The following RPL6 variants were observed in gnomAD, a reference collection of about 807,000 sequenced individuals.
The protein encoded by RPL6 is large ribosomal subunit protein eL6.
A neutral mutation model predicts 32.1 loss-of-function variants in RPL6; 1 was observed. The observed-to-expected ratio is 0.03, with a 90% CI of 0.01 to 0.15. The LOEUF (loss-of-function observed/expected upper bound fraction) is 0.15, where lower values mean the gene tolerates loss of function less well. RPL6 is among the 10% of genes least tolerant of loss of function. The pLI is 1.00. For synonymous variants in RPL6, 126 were observed against 131.6 expected, an observed-to-expected ratio of 0.96 and a Z score of 0.29; for missense variants, 275 against 354.6, an observed-to-expected ratio of 0.78 and a Z score of 1.80.
chr12:112,405,326 T>C lies in RPL6; in HGVS notation c.765A>G (p.Ser255=). Residue 255 remains serine, a synonymous_variant, in exon 7 of 7, where the codon TCA becomes TCG. Transcript: ENST00000202773. ...QRKIDQKAVD[S]QILPKIKAIP... is the part of the protein sequence containing the mutation. Reference sequence around the variant, plus strand: ...TAGCTTTGATTTTTGGTAAAATTTGTGAGTCCACAGCTTTCTGATCAATCT... The same window carrying C: ...TAGCTTTGATTTTTGGTAAAATTTGCGAGTCCACAGCTTTCTGATCAATCT... The C allele has an allele frequency of 6.2e-7, 1 of 1,611,630 alleles. No homozygotes were observed. Among genetic ancestry groups the C allele is most frequent in the Non-Finnish European group, 8.5e-7 (1 of 1,179,460 alleles).
At chr12:112,410,241 T>C (rs921366171), upstream of RPL6, 4 of 217,272 alleles carry the variant, frequency 1.8e-5, no homozygotes, top group Admixed American at 8.7e-5. Context: ...ATCACTTGAG[T>C]CTTGGAGGTC....
At chr12:112,409,207 T>C (rs1295885452) in intron 1 of RPL6, 3 of 362,470 alleles carry the variant, frequency 8.3e-6, no homozygotes, top group African/African-American at 4.2e-5. Flanking sequence ...CGAAACCTTT[T>C]GGCTTCAGTG....
chr12:112,406,298 C>A lies in RPL6; in HGVS notation c.525G>T (p.Val175=). 6.2e-7 allele frequency: 1 copy of A among 1,612,694 alleles called. No homozygotes were observed. The highest frequency in any genetic ancestry group is 1.1e-5 in the South Asian group (1 of 90,970). ...LKQLASGLLL[V]TGPLVLNRVP... is the part of the protein sequence containing the mutation. Reference sequence around the variant, plus strand: ...ACAATCCAAGGATTTTCTTACCAGTCACAAGTAATAAGCCACTAGCCAGCT... The same window carrying A: ...ACAATCCAAGGATTTTCTTACCAGTAACAAGTAATAAGCCACTAGCCAGCT... Residue 175 remains valine (V), a synonymous_variant, in exon 5 of 7, where the codon GTG becomes GTT. Transcript: ENST00000202773.
chr12:112,409,203 CT>C, intron 1 of RPL6: 1 of 360,348 alleles, frequency 2.8e-6, no homozygotes, highest in Non-Finnish European at 4.9e-6. Flanking sequence ...GACGCGAAAC[CT>C]TTTGGCTTCA....
In RPL6 at chr12:112,408,559, T is replaced by C. The variant is rs2037253444; in HGVS notation, c.98A>G (p.Lys33Arg). The stretch of plus-strand genomic sequence containing the variant: ...CTTCCCCTTCTTGGGCTTTTTAGCT[T>C]TGAGGTTACCCTTTTTCACCTTGCC... ...AGGKVKKGNL[K>R]AKKPKKGKPH... Residue 33 changes from lysine (K) to arginine (R), a missense_variant, in exon 2 of 7, where the codon AAA becomes AGA. By Grantham distance (26) the Lys-to-Arg change is conservative (BLOSUM62 2). Transcript: ENST00000202773. 1 of 1,607,320 alleles carries C rather than the reference T, an allele frequency of 6.2e-7. No homozygotes were observed. Among genetic ancestry groups the C allele is most frequent in the African/African-American group, 1.3e-5 (1 of 74,900 alleles).
upstream of RPL6, among the ~76,000 whole-genome samples, chr12:112,412,046 A>AT (rs1231220066): frequency 2.7e-4 from 37 of 137,986 alleles, no homozygotes; most frequent in African/African-American, 3.3e-4. Flanking sequence ...CACCTGGCTA[A>AT]TTTTTTTTTT....
chr12:112,413,335 G>A (rs1212729021), upstream of RPL6, among the ~76,000 whole-genome samples: 1 of 152,070 alleles, frequency 6.6e-6, no homozygotes, highest in South Asian at 2.1e-4. Context: ...AGGAGATCGA[G>A]ACCATCCTGG....
chr12:112,413,043 G>A (rs1190550687), upstream of RPL6, among the ~76,000 whole-genome samples: 2 of 152,122 alleles, frequency 1.3e-5, no homozygotes, highest in Non-Finnish European at 2.9e-5. Context: ...TATAAAGTGT[G>A]GAAAGACATA....
upstream of RPL6, among the ~76,000 whole-genome samples, chr12:112,410,911 C>T (rs538792099): frequency 4.6e-5 from 7 of 152,162 alleles, no homozygotes; most frequent in African/African-American, 7.2e-5. Context: ...ATCACCACTA[C>T]AATCATCTGA....
chr12:112,415,087 A>T (rs899900634), upstream of RPL6, among the ~76,000 whole-genome samples: 1 of 152,192 alleles, frequency 6.6e-6, no homozygotes, highest in African/African-American at 2.4e-5. Context: ...GCCTGAGATC[A>T]GAGGCATAGA....
intron 4 of RPL6, 145 bp downstream of exon 4, chr12:112,406,602 C>A: frequency 8.8e-7 from 1 of 1,142,482 alleles, no homozygotes; most frequent in Non-Finnish European, 1.2e-6. Context: ...TTCTTATTTG[C>A]AACAACTAAG....
chr12:112,405,906 T>G lies in RPL6; in HGVS notation c.661A>C (p.Lys221Gln), dbSNP rs148929822. 546 of 1,613,978 alleles carry G rather than the reference T, an allele frequency of 3.4e-4. 4 individuals carry two copies. Among genetic ancestry groups the G allele is most frequent in the African/African-American group, 1.9e-3 (146 of 75,052 alleles). Residue 221 changes from lysine (K) to glutamine (Q), a missense_variant, in exon 6 of 7, where the codon AAG becomes CAG. Physicochemically the swap from Lys to Gln is moderately conservative, Grantham distance 53 (BLOSUM62 1). Transcript: ENST00000202773. ...TCCTGGTGTCTGGGCTTCCGCAGCT[T>G]CTTCTTCTTGAAGTAAGCATCAGTA... is the stretch of plus-strand genomic sequence containing the variant. ...HLTDAYFKKK[K>Q]LRKPRHQEGE...
Position 112,408,204 on chromosome 12 carries a change from A to C in RPL6, c.336+36T>G, listed in dbSNP as rs778572626. On this transcript the variant is annotated intron_variant, in intron 3 of 6. Transcript: ENST00000202773. ...AAACATCTTCACAGTATTCAAGCATAAACAGAAAATCCAATTTACAGTCCC... is the reference window on the plus strand; with the variant it reads ...AAACATCTTCACAGTATTCAAGCATCAACAGAAAATCCAATTTACAGTCCC... The C allele has an allele frequency of 1.1e-5, 16 of 1,474,132 alleles. No homozygotes were observed. The South Asian group carries it at 1.8e-4, about 17-fold the overall frequency. The allele number at this position is 1,474,132 out of a possible 1,614,324, so 91.3% of individuals were successfully genotyped here.
chr12:112,408,736 A>G, intron 1 of RPL6, 80 bp from the exon 2 acceptor site: 1 of 1,268,980 alleles, frequency 7.9e-7, no homozygotes. Context: ...CCTGTACATG[A>G]ATGGGCTGGG....
chr12:112,405,621 T>A (rs994778254), intron 6 of RPL6: 14 of 608,110 alleles, frequency 2.3e-5, no homozygotes, highest in Non-Finnish European at 3.1e-5. Context: ...ACATTCCCAA[T>A]ACGATGGTAG....
upstream of RPL6, among the ~76,000 whole-genome samples, chr12:112,414,406 C>T (rs141637978): frequency 9.5e-4 from 145 of 152,328 alleles, no homozygotes; most frequent in African/African-American, 3.1e-3. Flanking sequence ...GTAGTAGTTC[C>T]TGCACTCAAA....
At chr12:112,415,743 T>G (rs1039658538) in intron 1 of RPL6, among the ~76,000 whole-genome samples, 12 of 151,760 alleles carry the variant, frequency 7.9e-5, no homozygotes, top group Non-Finnish European at 1.5e-4. Flanking sequence ...TTTTTTTTTT[T>G]GTAGGGACAG....
upstream of RPL6, chr12:112,409,711 A>G (rs2037303426): frequency 2.6e-6 from 1 of 382,500 alleles, no homozygotes; most frequent in Non-Finnish European, 4.6e-6. Context: ...CCCGTTAAGA[A>G]AAAAGTAGTA....
At position 112,406,760 on chromosome 12, in the gene RPL6, C is replaced by T. The variant is rs747383826; in HGVS notation, c.467G>A (p.Arg156His). ...AGGTACTCTCACCTTGCCCCTGTGGCGTCCAGTGAGGATGATCAGAATGGT... is the reference window on the plus strand; with the variant it reads ...AGGTACTCTCACCTTGCCCCTGTGGTGTCCAGTGAGGATGATCAGAATGGT... Reference protein sequence around the residue: ...PGTILIILTGRHRGKRVVFLK... With the variant: ...PGTILIILTGHHRGKRVVFLK... Residue 156 changes from arginine to histidine, a missense_variant, in exon 4 of 7, where the codon CGC (arginine) becomes CAC (histidine). Arg to His is a conservative substitution (Grantham distance 29). Transcript: ENST00000202773. The T allele has an allele frequency of 4.8e-5, 78 of 1,614,026 alleles. No homozygotes were observed. Among genetic ancestry groups the T allele is most frequent in the African/African-American group, 1.3e-4 (10 of 74,946 alleles).
Sources: allele counts gnomAD v4.1 joint callset (sites outside exome capture counted in the v4.1 genomes callset), GRCh38; gene constraint gnomAD v4.1.1; transcripts MANE v1.5; gene names NCBI Gene and HGNC (gene_info 2026-07-23, HGNC 2026-07-21).